USH2A: variants seen among roughly 807,000 people sequenced by gnomAD.
USH2A encodes usherin.
USH2A carries 443 observed loss-of-function variants against 538.9 expected under a neutral mutation model. That is an observed-to-expected ratio of 0.82 (90% CI 0.76 to 0.89). The LOEUF (loss-of-function observed/expected upper bound fraction) is 0.89. Ranked by LOEUF, USH2A falls within the 40% of genes least tolerant of loss-of-function variation. The pLI, the probability that USH2A is intolerant of heterozygous loss-of-function variation, is 0.00. For missense variants in USH2A, 6,633 were observed against 6,324.8 expected, an observed-to-expected ratio of 1.05 and a Z score of -1.65; for synonymous variants, 2,413 against 2,273.5, an observed-to-expected ratio of 1.06 and a Z score of -1.75.
intron 35 of USH2A, among the ~76,000 whole-genome samples, chr1:215,975,047 A>T (rs1024563164): frequency 6.6e-6 from 1 of 152,006 alleles, no homozygotes; most frequent in Non-Finnish European, 1.5e-5. Context: ...CTGGTGTGAG[A>T]TGGTACTCGT....
chr1:215,827,073 A>G (rs1663178293), intron 47 of USH2A, among the ~76,000 whole-genome samples: 1 of 152,182 alleles, frequency 6.6e-6, no homozygotes, highest in Non-Finnish European at 1.5e-5. Flanking sequence ...ATATCATGAC[A>G]TAAAATCAAT....
intron 44 of USH2A, among the ~76,000 whole-genome samples, chr1:215,850,970 G>T (rs1664001294): frequency 6.6e-6 from 1 of 152,058 alleles, no homozygotes; most frequent in South Asian, 2.1e-4. Context: ...AAATCAAGAA[G>T]AAAATTAAAA....
chr1:215,876,287 G>A (rs534235901), intron 43 of USH2A, among the ~76,000 whole-genome samples: 1 of 152,228 alleles, frequency 6.6e-6, no homozygotes, highest in Admixed American at 6.5e-5. Flanking sequence ...GTTTCATATA[G>A]TTCATTCTGT....
intron 52 of USH2A, among the ~76,000 whole-genome samples, chr1:215,783,520 C>T (rs573055859): frequency 2.0e-5 from 3 of 152,182 alleles, no homozygotes; most frequent in Non-Finnish European, 4.4e-5. Context: ...AAATACAAAC[C>T]AACCAACTTT....
intron 3 of USH2A, among the ~76,000 whole-genome samples, chr1:216,416,351 G>C (rs917634573): frequency 6.6e-6 from 1 of 151,992 alleles, no homozygotes; most frequent in Admixed American, 6.6e-5. Flanking sequence ...TTTAATAAGT[G>C]CTAGATGATT....
intron 29 of USH2A, 199 bp downstream of exon 29, chr1:216,072,690 A>T (rs1259121208): frequency 3.2e-6 from 2 of 619,140 alleles, no homozygotes; most frequent in Non-Finnish European, 2.9e-6. Context: ...GCAAGTATTT[A>T]GTGAATTCTT....
chr1:216,041,399 C>A (rs998054201), intron 32 of USH2A, among the ~76,000 whole-genome samples: 1 of 152,016 alleles, frequency 6.6e-6, no homozygotes, highest in Admixed American at 6.6e-5. Flanking sequence ...AAAAAAAAAT[C>A]CAAGCCACCT....
At chr1:216,322,222 C>T (rs2037628578) in intron 8 of USH2A, among the ~76,000 whole-genome samples, 1 of 152,120 alleles carries the variant, frequency 6.6e-6, no homozygotes, top group African/African-American at 2.4e-5. Flanking sequence ...TCAAGCCAAC[C>T]TCTAAAGGGA....
intron 3 of USH2A, among the ~76,000 whole-genome samples, chr1:216,413,324 GC>G (rs2039523557): frequency 6.6e-6 from 1 of 152,008 alleles, no homozygotes; most frequent in Non-Finnish European, 1.5e-5. Context: ...ATGCCATAAA[GC>G]TTACTGAACT....
intron 37 of USH2A, among the ~76,000 whole-genome samples, chr1:215,944,404 G>A (rs1368064215): frequency 6.6e-6 from 1 of 152,056 alleles, no homozygotes; most frequent in African/African-American, 2.4e-5. Context: ...GCAATTTCCA[G>A]TTTCTAGAAT....
intron 21 of USH2A, among the ~76,000 whole-genome samples, chr1:216,140,165 A>C (rs1262832198): frequency 6.6e-6 from 1 of 152,174 alleles, no homozygotes; most frequent in Non-Finnish European, 1.5e-5. Flanking sequence ...AGAAACATAG[A>C]ATTTTCATTT....
intron 63 of USH2A, among the ~76,000 whole-genome samples, chr1:215,672,794 C>A (rs1317837652): frequency 6.6e-6 from 1 of 152,202 alleles, no homozygotes; most frequent in Non-Finnish European, 1.5e-5. Context: ...TATGTCAATG[C>A]CACTTACAGA....
intron 20 of USH2A, among the ~76,000 whole-genome samples, chr1:216,184,746 G>C (rs2034563942): frequency 6.6e-6 from 1 of 151,930 alleles, no homozygotes; most frequent in Non-Finnish European, 1.5e-5. Flanking sequence ...TATTAAGAGT[G>C]CTTGTTTAAT....
intron 15 of USH2A, among the ~76,000 whole-genome samples, chr1:216,214,608 C>T (rs1186281143): frequency 6.6e-6 from 1 of 151,884 alleles, no homozygotes; most frequent in African/African-American, 2.4e-5. Flanking sequence ...AAGTGTTCTA[C>T]AATTGGATTA....
chr1:216,311,304 G>A (rs2037415947), intron 9 of USH2A, among the ~76,000 whole-genome samples: 1 of 152,164 alleles, frequency 6.6e-6, no homozygotes, highest in African/African-American at 2.4e-5. Flanking sequence ...AACCCAGAAT[G>A]GCTGGGGAAG....
Position 216,289,328 on chromosome 1 carries a change from A to G in USH2A, c.1923T>C (p.Cys641=). The G allele has an allele frequency of 1.2e-6, 2 of 1,614,026 alleles. No individual in the cohort carries two copies. Among genetic ancestry groups the G allele is most frequent in the Non-Finnish European group, 1.7e-6 (2 of 1,179,884 alleles). ...TTCTAGTGCCAACTGTATCACAGTC[A>G]CAGGGTTTGCAAACATCTATGGCCG... ...DPSAIDVCKP[C]DCDTVGTRNG... Residue 641 remains cysteine (C), a synonymous_variant, in exon 11 of 72, where the codon TGT becomes TGC. Coordinates refer to ENST00000307340, the MANE Select transcript of USH2A (RefSeq NM_206933.4).
intron 61 of USH2A, among the ~76,000 whole-genome samples, chr1:215,718,528 G>A (rs2797219): frequency 0.89 from 136,112 of 152,234 alleles, 61,519 homozygotes; most frequent in Non-Finnish European, 0.98. Flanking sequence ...ACCTGCCGAT[G>A]ATCACAGCTA....
At chr1:215,682,999 C>T (rs1658287999) in intron 61 of USH2A, among the ~76,000 whole-genome samples, 1 of 151,992 alleles carries the variant, frequency 6.6e-6, no homozygotes, top group East Asian at 1.9e-4. Flanking sequence ...GCCGGGACTA[C>T]AGTCATGTAC....
chr1:215,836,327 A>G (rs1038243843), intron 47 of USH2A, among the ~76,000 whole-genome samples: 15 of 147,982 alleles, frequency 1.0e-4, no homozygotes, highest in African/African-American at 3.7e-4. Context: ...ACCTCTTATT[A>G]TAGTGTTTTT....
Sources: gnomAD v4.1 joint callset for allele counts (sites outside exome capture counted in the v4.1 genomes callset) on GRCh38, gnomAD v4.1.1 for gene constraint, MANE v1.5 for transcripts, NCBI Gene and HGNC (gene_info 2026-07-23, HGNC 2026-07-21) for gene names.